Variants in CEP112 observed in about 807,000 individuals in gnomAD.
CEP112 encodes centrosomal protein 112, also known as centrosomal protein of 112 kDa.
CEP112 carries 127 observed loss-of-function variants against 153.0 expected under a neutral mutation model. The ratio of observed to expected loss-of-function variants is 0.83; its 90% confidence interval spans 0.72 to 0.96. The LOEUF is 0.96. Among genes scored for constraint, CEP112 ranks in the 40% least tolerant of loss-of-function variants. The pLI is 0.00. For missense variants in CEP112, 1,089 were observed against 1,101.2 expected, an observed-to-expected ratio of 0.99 and a Z score of 0.16; for synonymous variants, 358 against 374.4, an observed-to-expected ratio of 0.96 and a Z score of 0.51.
chr17:65,709,990 C>T lies in CEP112; in HGVS notation c.2608-20772G>A, dbSNP rs546302526. 1.8e-4 allele frequency among the ~76,000 whole-genome samples: 28 copies of T among 152,298 alleles called. No homozygotes were observed. In the South Asian group the frequency reaches 3.7e-3, roughly 20 times the overall value. On this transcript the variant is annotated intron_variant, in intron 23 of 26. Transcript: ENST00000535342. ...CATGGCATATATACTTGCTACTCAA[C>T]GCCTGCTCTGAGAGCCAGCAGCGTT...
At chr17:66,016,959 TC>T (rs1005859664) in intron 16 of CEP112, among the ~76,000 whole-genome samples, 1 of 152,210 alleles carries the variant, frequency 6.6e-6, no homozygotes, top group African/African-American at 2.4e-5. Context: ...AGTTGGCTCC[TC>T]TGAAAAACTG....
chr17:66,033,200 T>C (rs1048323758), intron 12 of CEP112, among the ~76,000 whole-genome samples: 2 of 152,198 alleles, frequency 1.3e-5, no homozygotes, highest in African/African-American at 4.8e-5. Context: ...TTTACCTAGT[T>C]AGTGTACCTA....
chr17:65,700,827 T>C (rs1319973135), intron 23 of CEP112, among the ~76,000 whole-genome samples: 2 of 152,030 alleles, frequency 1.3e-5, no homozygotes, highest in Non-Finnish European at 2.9e-5. Flanking sequence ...GGTGAATCTA[T>C]GGGACAAGAC....
chr17:65,795,475 C>T (rs2145768067), intron 21 of CEP112, among the ~76,000 whole-genome samples: 1 of 152,208 alleles, frequency 6.6e-6, no homozygotes, highest in Non-Finnish European at 1.5e-5. Flanking sequence ...TCTAGACTAC[C>T]CCTGGTTTCT....
At chr17:65,709,218 A>C (rs1250063104) in intron 23 of CEP112, among the ~76,000 whole-genome samples, 2 of 152,246 alleles carry the variant, frequency 1.3e-5, no homozygotes, top group African/African-American at 2.4e-5. Context: ...TATAATAAAA[A>C]GATTACTTTA....
intron 23 of CEP112, among the ~76,000 whole-genome samples, chr17:65,727,633 T>A (rs1282419300): frequency 6.6e-6 from 1 of 152,138 alleles, no homozygotes; most frequent in Admixed American, 6.5e-5. Flanking sequence ...ACAGAAAGAC[T>A]GGAGGTAACC....
chr17:65,690,425 C>CAAAAA (rs67648497), intron 23 of CEP112, among the ~76,000 whole-genome samples: 867 of 76,290 alleles, frequency 0.011, 69 homozygotes, highest in African/African-American at 0.037. Context: ...GACCCTGTCT[C>CAAAAA]AAAAAAAAAA....
At chr17:66,130,887 C>A (rs2070130917) in intron 5 of CEP112, among the ~76,000 whole-genome samples, 1 of 151,842 alleles carries the variant, frequency 6.6e-6, no homozygotes, top group African/African-American at 2.4e-5. Context: ...CATTTATCAG[C>A]CCCAGATGAA....
intron 23 of CEP112, among the ~76,000 whole-genome samples, chr17:65,714,209 C>A (rs2049365076): frequency 6.6e-6 from 1 of 152,146 alleles, no homozygotes; most frequent in South Asian, 2.1e-4. Context: ...CACACATATA[C>A]ATATACACGT....
chr17:65,767,632 C>G (rs952359543), intron 21 of CEP112, among the ~76,000 whole-genome samples: 2 of 151,248 alleles, frequency 1.3e-5, no homozygotes. Context: ...CTTAGTTATA[C>G]CAGCTTAAAA....
At chr17:66,102,520 A>G (rs1370354135) in intron 6 of CEP112, among the ~76,000 whole-genome samples, 2 of 152,132 alleles carry the variant, frequency 1.3e-5, no homozygotes, top group Non-Finnish European at 2.9e-5. Context: ...AATTCAGGCC[A>G]GGCATGGTGG....
chr17:65,944,651 G>A (rs112526181), intron 18 of CEP112, among the ~76,000 whole-genome samples: 13 of 152,228 alleles, frequency 8.5e-5, no homozygotes, highest in African/African-American at 3.1e-4. Flanking sequence ...GTGCGGTGGA[G>A]TGACCATGGC....
chr17:65,802,401 C>T (rs1243361474), intron 21 of CEP112, among the ~76,000 whole-genome samples: 1 of 152,072 alleles, frequency 6.6e-6, no homozygotes, highest in African/African-American at 2.4e-5. Flanking sequence ...TATTGACTTG[C>T]AAAACTACAT....
chr17:65,850,857 G>A (rs2057905723), intron 21 of CEP112, among the ~76,000 whole-genome samples: 1 of 152,106 alleles, frequency 6.6e-6, no homozygotes, highest in African/African-American at 2.4e-5. Flanking sequence ...GCTCACTCCT[G>A]CCTATTTACA....
intron 21 of CEP112, among the ~76,000 whole-genome samples, chr17:65,828,773 C>A (rs916410833): frequency 6.6e-6 from 1 of 151,894 alleles, no homozygotes; most frequent in African/African-American, 2.4e-5. Context: ...GGAATAAAAT[C>A]CATGTGATTA....
At chr17:65,930,021 C>T (rs1440165554) in intron 18 of CEP112, among the ~76,000 whole-genome samples, 1 of 152,102 alleles carries the variant, frequency 6.6e-6, no homozygotes, top group Admixed American at 6.5e-5. Flanking sequence ...GTCTTTAAAC[C>T]CCTGCACATT....
intron 17 of CEP112, among the ~76,000 whole-genome samples, chr17:66,000,641 C>T (rs576998456): frequency 6.6e-6 from 1 of 152,166 alleles, no homozygotes; most frequent in Non-Finnish European, 1.5e-5. Flanking sequence ...ACTGCGCCCA[C>T]TCTCACCGTG....
chr17:65,850,285 C>T lies in CEP112; in HGVS notation c.2394+1519G>A, dbSNP rs140845732. On this transcript the variant is annotated intron_variant, in intron 21 of 26. Transcript: ENST00000535342. Reference sequence around the variant, plus strand: ...CATCCCACTTAGCCTGAACATGTCCCGAGAGGCCCAACCTATTGGTCTTGT... The same window carrying T: ...CATCCCACTTAGCCTGAACATGTCCTGAGAGGCCCAACCTATTGGTCTTGT... 7.3e-3 allele frequency among the ~76,000 whole-genome samples: 1,105 copies of T among 152,074 alleles called. 16 individuals are homozygous for T. Among genetic ancestry groups the T allele is most frequent in the African/African-American group, 0.025 (1,031 of 41,486 alleles).
chr17:66,029,191 G>T lies in CEP112; in HGVS notation c.1435C>A (p.Leu479Met), dbSNP rs779982312. 2 of 1,610,998 alleles carry T rather than the reference G, an allele frequency of 1.2e-6. No homozygotes were observed. ...TCAGCATCATATTTGGTTTGTAACAGTTTCATGTTTTGCTCATAATCATTT... is the reference window on the plus strand; with the variant it reads ...TCAGCATCATATTTGGTTTGTAACATTTTCATGTTTTGCTCATAATCATTT... ...LVNDYEQNMK[L>M]LQTKYDADIN... The change falls in exon 14 of 27, where the codon CTG becomes ATG. Residue 479 changes from leucine (L) to methionine (M), a missense_variant. By Grantham distance (15) the Leu-to-Met change is conservative (BLOSUM62 2). Coordinates refer to ENST00000535342, the MANE Select transcript of CEP112 (RefSeq NM_001199165.4).
Sources: allele counts gnomAD v4.1 joint callset (sites outside exome capture counted in the v4.1 genomes callset), GRCh38; gene constraint gnomAD v4.1.1; transcripts MANE v1.5; gene names NCBI Gene and HGNC (gene_info 2026-07-23, HGNC 2026-07-21).